MGAT4C: variants seen among roughly 807,000 people sequenced by gnomAD.
MGAT4C encodes the protein MGAT4 family member C, also known as alpha-1,3-mannosyl-glycoprotein 4-beta-N-acetylglucosaminyltransferase C.
A neutral mutation model predicts 40.1 loss-of-function variants in MGAT4C; 19 were observed. That is an observed-to-expected ratio of 0.47 (90% confidence interval 0.33 to 0.70). MGAT4C has a LOEUF of 0.70. MGAT4C is among the 30% of genes least tolerant of loss of function. The pLI, the probability that MGAT4C is intolerant of heterozygous loss-of-function variation, is 0.02. For missense variants in MGAT4C, 491 were observed against 563.2 expected, an observed-to-expected ratio of 0.87 and a Z score of 1.30; for synonymous variants, 181 against 187.1, an observed-to-expected ratio of 0.97 and a Z score of 0.27.
chr12:86,439,344 C>T (rs998865562), intron 2 of MGAT4C, among the ~76,000 whole-genome samples: 1 of 151,882 alleles, frequency 6.6e-6, no homozygotes, highest in Non-Finnish European at 1.5e-5. Context: ...TATACAAATA[C>T]ATGGAAATTA....
At chr12:86,622,484 C>T (rs1455615083) in intron 2 of MGAT4C, among the ~76,000 whole-genome samples, 2 of 151,834 alleles carry the variant, frequency 1.3e-5, no homozygotes, top group African/African-American at 4.8e-5. Context: ...AATTTATTTG[C>T]CATTAATAAT....
At chr12:86,822,410 A>C in intron 1 of MGAT4C, among the ~76,000 whole-genome samples, 1 of 151,278 alleles carries the variant, frequency 6.6e-6, no homozygotes, top group Middle Eastern at 3.4e-3. Flanking sequence ...GAGTGACCAA[A>C]TGAATATTTA....
At chr12:86,777,318 G>A (rs1344389710) in intron 1 of MGAT4C, among the ~76,000 whole-genome samples, 2 of 152,122 alleles carry the variant, frequency 1.3e-5, no homozygotes, top group East Asian at 1.9e-4. Context: ...TAATTTTTCT[G>A]ATATATTCTG....
At chr12:86,229,081 A>G (rs887167989) in intron 1 of MGAT4C, among the ~76,000 whole-genome samples, 1 of 151,948 alleles carries the variant, frequency 6.6e-6, no homozygotes, top group Non-Finnish European at 1.5e-5. Context: ...TTAATGATCA[A>G]TCTGAATATT....
At chr12:86,643,225 C>T (rs549777839) in intron 2 of MGAT4C, among the ~76,000 whole-genome samples, 10 of 151,862 alleles carry the variant, frequency 6.6e-5, no homozygotes, top group South Asian at 4.1e-4. Flanking sequence ...TTAATTTATT[C>T]ATGAGGGCAG....
intron 2 of MGAT4C, among the ~76,000 whole-genome samples, chr12:86,630,052 A>G (rs1167760563): frequency 1.3e-5 from 2 of 152,166 alleles, no homozygotes; most frequent in Non-Finnish European, 2.9e-5. Flanking sequence ...TAGATACAAT[A>G]AAAAATGATA....
In MGAT4C at chr12:86,728,115, G is replaced by GAGGA. The variant is rs1158457457; in HGVS notation, c.-261-878_-261-875dup. Among the ~76,000 whole-genome samples the GAGGA allele has an allele frequency of 2.0e-5, 3 of 152,164 alleles. No individual in the cohort carries two copies. The East Asian group carries it at 5.8e-4, about 29-fold the overall frequency. ...TCATATTTCCATAGAAAAAGTCTAT[G>GAGGA]AGGAGTGAGATGTGTTTACGCAATA... On this transcript the variant is annotated intron_variant, in intron 1 of 7. Transcript: ENST00000548651.
chr12:86,610,321 T>C (rs979622468), intron 2 of MGAT4C, among the ~76,000 whole-genome samples: 2 of 152,148 alleles, frequency 1.3e-5, no homozygotes, highest in African/African-American at 2.4e-5. Flanking sequence ...GGAGGATATA[T>C]AACCCTGGCT....
chr12:86,020,351 G>A (rs1046681997), intron 2 of MGAT4C, among the ~76,000 whole-genome samples: 1 of 152,016 alleles, frequency 6.6e-6, no homozygotes. Flanking sequence ...CTCTTATACA[G>A]TAACCAAAAC....
At chr12:86,036,482 A>T (rs1168201141) in intron 2 of MGAT4C, among the ~76,000 whole-genome samples, 1 of 149,918 alleles carries the variant, frequency 6.7e-6, no homozygotes, top group Non-Finnish European at 1.5e-5. Context: ...ATCAATACCT[A>T]GTTTATTGGG....
At chr12:86,689,128 C>T (rs185366580) in intron 2 of MGAT4C, among the ~76,000 whole-genome samples, 47 of 152,224 alleles carry the variant, frequency 3.1e-4, no homozygotes, top group African/African-American at 1.0e-3. Context: ...TTCACTTGAT[C>T]GATTCATCTG....
At chr12:86,665,234 C>T (rs1430698078) in intron 2 of MGAT4C, among the ~76,000 whole-genome samples, 3 of 152,240 alleles carry the variant, frequency 2.0e-5, no homozygotes, top group African/African-American at 7.2e-5. Flanking sequence ...GGAAGGCCAG[C>T]CCCAAGTGAG....
At chr12:86,006,727 T>C (rs1234375169) in intron 2 of MGAT4C, among the ~76,000 whole-genome samples, 1 of 152,142 alleles carries the variant, frequency 6.6e-6, no homozygotes, top group South Asian at 2.1e-4. Flanking sequence ...CCACCATCCC[T>C]CAAGTAATGA....
chr12:86,511,026 G>A (rs1214532994), intron 2 of MGAT4C, among the ~76,000 whole-genome samples: 1 of 152,070 alleles, frequency 6.6e-6, no homozygotes, highest in African/African-American at 2.4e-5. Context: ...ACCTCAAATC[G>A]ACAGAATATA....
chr12:86,164,442 C>T (rs1001223682), intron 1 of MGAT4C, among the ~76,000 whole-genome samples: 1 of 152,186 alleles, frequency 6.6e-6, no homozygotes, highest in Non-Finnish European at 1.5e-5. Flanking sequence ...ATGCTGTGCA[C>T]TCTGCCAAGC....
intron 2 of MGAT4C, among the ~76,000 whole-genome samples, chr12:86,617,576 T>C (rs1456393738): frequency 6.6e-6 from 1 of 152,006 alleles, no homozygotes; most frequent in African/African-American, 2.4e-5. Flanking sequence ...TAGTCCCAGC[T>C]ATGCTGGAGG....
At chr12:86,536,761 A>G (rs965976691) in intron 2 of MGAT4C, among the ~76,000 whole-genome samples, 5 of 152,166 alleles carry the variant, frequency 3.3e-5, no homozygotes, top group African/African-American at 1.2e-4. Context: ...CTTTCTTGAG[A>G]ATAAAATTAA....
At chr12:86,468,483 C>T (rs1165658321) in intron 2 of MGAT4C, among the ~76,000 whole-genome samples, 1 of 152,012 alleles carries the variant, frequency 6.6e-6, no homozygotes, top group African/African-American at 2.4e-5. Flanking sequence ...CCCATATCCA[C>T]ACATAATATA....
chr12:86,089,168 A>C (rs1158990565), intron 1 of MGAT4C, among the ~76,000 whole-genome samples: 1 of 152,018 alleles, frequency 6.6e-6, no homozygotes, highest in African/African-American at 2.4e-5. Flanking sequence ...TCAAACAGAA[A>C]GCCTAATATA....
Sources: gnomAD v4.1 joint callset for allele counts (sites outside exome capture counted in the v4.1 genomes callset) on GRCh38, gnomAD v4.1.1 for gene constraint, MANE v1.5 for transcripts, NCBI Gene and HGNC (gene_info 2026-07-23, HGNC 2026-07-21) for gene names.